Variants in LINGO2 observed in about 807,000 individuals in gnomAD.
The protein encoded by LINGO2 is leucine rich repeat and Ig domain containing 2, also known as leucine-rich repeat and immunoglobulin-like domain-containing nogo receptor-interacting protein 2.
Under a neutral mutation model 30.6 loss-of-function variants are expected in LINGO2, and 14 were observed. The observed-to-expected ratio is 0.46, with a 90% confidence interval of 0.30 to 0.72. The LOEUF is 0.72. LINGO2 is among the 30% of genes least tolerant of loss of function. LINGO2 has a pLI of 0.07. For synonymous variants in LINGO2, 317 were observed against 288.5 expected (o/e 1.10, Z -1.00); for missense variants, 729 against 751.7 (o/e 0.97, Z 0.35).
chr9:28,176,508 G>T (rs1481003547), intron 4 of LINGO2, among the ~76,000 whole-genome samples: 1 of 152,050 alleles, frequency 6.6e-6, no homozygotes. Flanking sequence ...TCAGTGTTTG[G>T]ATTTCCATTA....
chr9:29,134,193 TC>T, the LINGO2 span, among the ~76,000 whole-genome samples: 1 of 152,226 alleles, frequency 6.6e-6, no homozygotes, highest in Non-Finnish European at 1.5e-5. Flanking sequence ...CTACATAAAA[TC>T]CTTTGTGTTC....
At chr9:28,701,573 C>T in the LINGO2 span, among the ~76,000 whole-genome samples, 190 of 152,066 alleles carry the variant, frequency 1.2e-3, 1 homozygote, top group African/African-American at 4.2e-3. Context: ...AATTGGTTAA[C>T]GTCAGTCCTG....
At chr9:29,076,062 A>C in the LINGO2 span, among the ~76,000 whole-genome samples, 1 of 151,358 alleles carries the variant, frequency 6.6e-6, no homozygotes, top group Admixed American at 6.6e-5. Context: ...TTGTTTTTGT[A>C]GAGATAGGCT....
At position 28,633,995 on chromosome 9, in the gene LINGO2, C is replaced by A. The variant is rs79085731; in HGVS notation, c.-365+36205G>T. On this transcript the variant is annotated intron_variant, in intron 1 of 5. Transcript: ENST00000379992. ...GTAGGTCTCCTACCTTTTCTTAGAG[C>A]GTGGTTTGTTAAGCAGAGACCAAGG... 9.4e-3 allele frequency among the ~76,000 whole-genome samples: 1,433 copies of A among 152,118 alleles called. 28 individuals are homozygous for A. The highest frequency in any genetic ancestry group is 0.08 in the East Asian group (414 of 5,174).
chr9:28,897,466 C>G, the LINGO2 span, among the ~76,000 whole-genome samples: 1 of 152,146 alleles, frequency 6.6e-6, no homozygotes, highest in African/African-American at 2.4e-5. Context: ...CATTTCTAGA[C>G]TAAGGCAATG....
At chr9:29,157,844 T>TG in the LINGO2 span, among the ~76,000 whole-genome samples, 1 of 152,132 alleles carries the variant, frequency 6.6e-6, no homozygotes, top group Non-Finnish European at 1.5e-5. Context: ...TGAAACATTA[T>TG]TTTGACCTCC....
intron 1 of LINGO2, among the ~76,000 whole-genome samples, chr9:28,499,266 G>C (rs912837910): frequency 6.6e-6 from 1 of 152,146 alleles, no homozygotes; most frequent in African/African-American, 2.4e-5. Flanking sequence ...GTAGAATATG[G>C]GGAATTAGGA....
chr9:29,121,865 G>T, the LINGO2 span, among the ~76,000 whole-genome samples: 4 of 152,054 alleles, frequency 2.6e-5, no homozygotes, highest in Non-Finnish European at 5.9e-5. Context: ...GCTAAGCAGA[G>T]ATTAAGAGAG....
At position 28,478,850 on chromosome 9, in the gene LINGO2, A is replaced by T. The variant is rs116325678; in HGVS notation, c.-364-2825T>A. Among the ~76,000 whole-genome samples, 814 of 152,208 alleles carry T rather than the reference A, an allele frequency of 5.3e-3. 10 individuals are homozygous for T. Among genetic ancestry groups the T allele is most frequent in the African/African-American group, 0.018 (756 of 41,578 alleles). On this transcript the variant is annotated intron_variant, in intron 1 of 5. Coordinates refer to ENST00000379992, the Ensembl canonical transcript of LINGO2. ...CCTAATGCAGACACCTTTAAATTTA[A>T]TAACACATGAAATATATAAAATACT...
intron 4 of LINGO2, among the ~76,000 whole-genome samples, chr9:28,179,719 G>A (rs1828860700): frequency 1.4e-5 from 2 of 143,482 alleles, no homozygotes; most frequent in African/African-American, 5.1e-5. Context: ...TATATATAGA[G>A]TATATATATA....
chr9:28,057,067 G>T (rs1335200181), intron 4 of LINGO2, among the ~76,000 whole-genome samples: 2 of 152,104 alleles, frequency 1.3e-5, no homozygotes, highest in African/African-American at 4.8e-5. Context: ...ATAATGTAAT[G>T]ATTGTTATTC....
chr9:28,412,277 T>C (rs7873025), intron 2 of LINGO2, among the ~76,000 whole-genome samples: 45,705 of 151,406 alleles, frequency 0.3, 7,191 homozygotes, highest in Non-Finnish European at 0.32. Context: ...GAATTTGCAT[T>C]TCTCTAATGA....
the LINGO2 span, among the ~76,000 whole-genome samples, chr9:28,731,528 G>A: frequency 2.6e-5 from 4 of 152,116 alleles, no homozygotes; most frequent in African/African-American, 9.7e-5. Context: ...TTGCTGCCAG[G>A]GGTTTAGGAA....
the LINGO2 span, among the ~76,000 whole-genome samples, chr9:28,797,082 A>G: frequency 6.6e-6 from 1 of 151,768 alleles, no homozygotes; most frequent in Non-Finnish European, 1.5e-5. Context: ...TAAGCAATAT[A>G]GCATAGTGTG....
At chr9:28,834,547 A>G in the LINGO2 span, among the ~76,000 whole-genome samples, 11 of 152,206 alleles carry the variant, frequency 7.2e-5, no homozygotes, top group African/African-American at 2.4e-4. Context: ...AGAGTAAGGT[A>G]TCCATCAACA....
chr9:29,086,667 A>G, the LINGO2 span, among the ~76,000 whole-genome samples: 2 of 152,216 alleles, frequency 1.3e-5, no homozygotes, highest in African/African-American at 4.8e-5. Context: ...AAATTACACT[A>G]ATTCTTCTTC....
At chr9:28,326,744 C>A (rs1197287187) in intron 3 of LINGO2, among the ~76,000 whole-genome samples, 2 of 152,132 alleles carry the variant, frequency 1.3e-5, no homozygotes, top group African/African-American at 4.8e-5. Context: ...TTTTTCTAAT[C>A]CCAAATCATA....
At chr9:28,900,626 T>C in the LINGO2 span, among the ~76,000 whole-genome samples, 4 of 152,182 alleles carry the variant, frequency 2.6e-5, no homozygotes, top group Non-Finnish European at 4.4e-5. Context: ...AGTCCATCTA[T>C]GAATCATGGC....
intron 4 of LINGO2, among the ~76,000 whole-genome samples, chr9:28,187,943 G>T (rs1819601711): frequency 2.6e-5 from 4 of 152,150 alleles, no homozygotes; most frequent in South Asian, 4.2e-4. Context: ...ACTATGATTT[G>T]CTTCTTTATC....
Sources: gnomAD v4.1 joint callset for allele counts (sites outside exome capture counted in the v4.1 genomes callset) on GRCh38, gnomAD v4.1.1 for gene constraint, MANE v1.5 for transcripts, NCBI Gene and HGNC (gene_info 2026-07-23, HGNC 2026-07-21) for gene names.